ATR: variants seen among roughly 807,000 people sequenced by gnomAD.
ATR encodes the protein ATR checkpoint kinase.
In ATR, 142 loss-of-function variants were observed where a neutral mutation model predicts 305.3. The observed-to-expected ratio is 0.47, with a 90% CI of 0.41 to 0.53. The LOEUF (loss-of-function observed/expected upper bound fraction) is 0.53, where lower values mean the gene tolerates loss of function less well. Among genes scored for constraint, ATR ranks in the 20% least tolerant of loss-of-function variants. The pLI, the probability that ATR is intolerant of heterozygous loss-of-function variation, is 0.00. For missense variants in ATR, 2,135 were observed against 3,133.1 expected (o/e 0.68, Z 7.60); for synonymous variants, 1,050 against 1,068.1 (o/e 0.98, Z 0.33).
At chr3:142,474,732 G>A (rs534524681) in intron 36 of ATR, among the ~76,000 whole-genome samples, 2 of 151,996 alleles carry the variant, frequency 1.3e-5, no homozygotes, top group South Asian at 2.1e-4. Flanking sequence ...CTCTCTTCTC[G>A]AATTGCTATG....
chr3:142,468,205 T>C, intron 38 of ATR, 137 bp from the exon 39 acceptor site: 1 of 1,022,096 alleles, frequency 9.8e-7, no homozygotes, highest in Non-Finnish European at 1.4e-6. Flanking sequence ...GAAAATTTAT[T>C]TGGCAATGCT....
intron 36 of ATR, among the ~76,000 whole-genome samples, chr3:142,482,916 C>T (rs2030619348): frequency 6.7e-6 from 1 of 148,606 alleles, no homozygotes; most frequent in African/African-American, 2.5e-5. Flanking sequence ...ACAAATATTG[C>T]TTTTTTTTTC....
At chr3:142,545,098 A>C (rs1409068278) in intron 16 of ATR, among the ~76,000 whole-genome samples, 1 of 152,184 alleles carries the variant, frequency 6.6e-6, no homozygotes, top group African/African-American at 2.4e-5. Flanking sequence ...ATTATCTATC[A>C]CCAAATACTT....
chr3:142,516,159 C>T (rs1318211418), intron 24 of ATR, among the ~76,000 whole-genome samples: 2 of 152,126 alleles, frequency 1.3e-5, no homozygotes, highest in Non-Finnish European at 2.9e-5. Context: ...TTCCGTGACC[C>T]TGCTAAGCTC....
At chr3:142,568,013 A>T (rs2035130359) in intron 2 of ATR, 50 bp downstream of exon 2, 1 of 1,398,402 alleles carries the variant, frequency 7.2e-7, no homozygotes, top group Non-Finnish European at 9.8e-7. Context: ...ATACATGGAA[A>T]AGAAAAGTCT....
At position 142,553,137 on chromosome 3, in the gene ATR, C is replaced by T. The variant is rs557764811; in HGVS notation, c.2805+90G>A. ...AAATTGAAGAAAAAAGAAAAGCAAG[C>T]AAAATAAAACATGTATAAATATTCT... On this transcript the variant is annotated intron_variant, in intron 13 of 46. Coordinates refer to ENST00000350721, the MANE Select transcript of ATR (RefSeq NM_001184.4). 49 of 1,470,140 alleles carry T rather than the reference C, an allele frequency of 3.3e-5. No homozygotes were observed. The East Asian group carries it at 7.9e-4, about 24-fold the overall frequency. The allele number at this position is 1,470,140 out of a possible 1,614,324, so 91.1% of individuals were successfully genotyped here.
intron 42 of ATR, among the ~76,000 whole-genome samples, chr3:142,460,785 C>T (rs77202200): frequency 0.019 from 2,897 of 152,174 alleles, 56 homozygotes; most frequent in African/African-American, 0.043. Context: ...ACTTTAAAAA[C>T]GTCTTATTTT....
chr3:142,554,029 G>A lies in ATR; in HGVS notation c.2342-14C>T, dbSNP rs2108466242. ...TATCTATGAAAGCTGAAGGACAAGA[G>A]TATACAATACCTAATTTAACATATT... On this transcript the variant is annotated splice_polypyrimidine_tract_variant and intron_variant, in intron 10 of 46. Transcript: ENST00000350721. 6.3e-7 allele frequency: 1 copy of A among 1,575,294 alleles called. No individual in the cohort carries two copies. The highest frequency in any genetic ancestry group is 8.7e-7 in the Non-Finnish European group (1 of 1,152,124).
chr3:142,514,125 T>C (rs937935581), intron 25 of ATR, among the ~76,000 whole-genome samples: 1 of 149,568 alleles, frequency 6.7e-6, no homozygotes, highest in Non-Finnish European at 1.5e-5. Flanking sequence ...CACACAAAAA[T>C]TAGCTGGTAT....
At chr3:142,514,360 T>C (rs1269330012) in intron 25 of ATR, among the ~76,000 whole-genome samples, 2 of 151,846 alleles carry the variant, frequency 1.3e-5, no homozygotes, top group Non-Finnish European at 2.9e-5. Flanking sequence ...TGGGGCACGG[T>C]GGCTCACGCC....
intron 40 of ATR, 177 bp from the exon 41 acceptor site, chr3:142,465,417 ACTGT>A (rs771202849): frequency 9.2e-6 from 4 of 433,240 alleles, no homozygotes; most frequent in Non-Finnish European, 1.6e-5. Context: ...GAAAAGAATG[ACTGT>A]CTATGAACAG....
In ATR at chr3:142,547,625, CA is replaced by C; in HGVS notation, c.3357+99del. ...ACTTAAAATTTAAACAAATGGCTAG[CA>C]GCCAGAAAATGACCAAAAATATGAT... On this transcript the variant is annotated intron_variant, in intron 16 of 46. Coordinates refer to ENST00000350721, the MANE Select transcript of ATR (RefSeq NM_001184.4). 2.3e-6 allele frequency: 3 copies of C among 1,324,024 alleles called. No homozygotes were observed. The South Asian group carries it at 4.0e-5, about 18-fold the overall frequency. 82.0% of individuals were successfully genotyped at this position (1,324,024 alleles called of 1,614,324 possible). A position where few individuals can be genotyped will look rare whatever the true frequency, so the allele number is the denominator to read the frequency against.
intron 22 of ATR, among the ~76,000 whole-genome samples, chr3:142,523,276 C>T (rs1032246676): frequency 6.6e-6 from 1 of 151,874 alleles, no homozygotes; most frequent in African/African-American, 2.4e-5. Context: ...AAAAATTAGC[C>T]AGGCGTGGTG....
intron 35 of ATR, among the ~76,000 whole-genome samples, chr3:142,486,959 C>CAAAAAA (rs60024459): frequency 8.6e-4 from 60 of 69,696 alleles, no homozygotes; most frequent in East Asian, 1.4e-3. Flanking sequence ...ACTAAAAATA[C>CAAAAAA]AAAAAAAAAA....
rs564059136 is a variant in ATR at position 142,463,802 on chromosome 3, T to A, written c.7041+1295A>T. On this transcript the variant is annotated intron_variant, in intron 41 of 46. Transcript: ENST00000350721. Reference sequence around the variant, plus strand: ...GTTAAACCAAGCAGACTATAACTTTTTTTAAAAAACAAACTCATCTACTGC... The same window carrying A: ...GTTAAACCAAGCAGACTATAACTTTATTTAAAAAACAAACTCATCTACTGC... 3.3e-5 allele frequency among the ~76,000 whole-genome samples: 5 copies of A among 152,348 alleles called. 1 individual carries two copies. The South Asian group carries it at 1.0e-3, about 32-fold the overall frequency.
chr3:142,491,805 T>C (rs773934966), intron 35 of ATR, among the ~76,000 whole-genome samples: 8 of 152,210 alleles, frequency 5.3e-5, no homozygotes, highest in African/African-American at 1.2e-4. Flanking sequence ...GTTGGTCCCA[T>C]TTAGGTCTTT....
In ATR at chr3:142,560,453, T is replaced by C. The variant is rs769093283; in HGVS notation, c.1351A>G (p.Ile451Val). The change falls in exon 6 of 47, where the codon ATT becomes GTT. Residue 451 changes from isoleucine to valine, a missense_variant and splice_region_variant. Transcript: ENST00000350721. ...SKRAPKQTEE[I>V]KHVDMNQKSI... is the part of the protein sequence containing the mutation. ...TTTTGGTTCATGTCCACATGTTTAA[T>C]TCTATAATTATGAATATAGTAGAGA... 10 of 1,605,038 alleles carry C rather than the reference T, an allele frequency of 6.2e-6. No homozygotes were observed. In the African/African-American group the frequency reaches 1.2e-4, roughly 19 times the overall value.
intron 1 of ATR, among the ~76,000 whole-genome samples, chr3:142,574,938 G>T (rs1397950589): frequency 6.6e-6 from 1 of 152,190 alleles, no homozygotes; most frequent in Non-Finnish European, 1.5e-5. Flanking sequence ...GGAAGATAAG[G>T]TTAAATTTCA....
At chr3:142,453,339 T>C (rs2070833784) in intron 45 of ATR, 106 bp from the exon 46 acceptor site, 1 of 1,313,706 alleles carries the variant, frequency 7.6e-7, no homozygotes, top group Non-Finnish European at 1.1e-6. Context: ...AATACTCTTA[T>C]AATACACATT....
Sources: allele counts gnomAD v4.1 joint callset (sites outside exome capture counted in the v4.1 genomes callset), GRCh38; gene constraint gnomAD v4.1.1; transcripts MANE v1.5; gene names NCBI Gene and HGNC (gene_info 2026-07-23, HGNC 2026-07-21).